The following PARN variants were observed in gnomAD, a reference collection of about 807,000 sequenced individuals.
PARN encodes poly(A)-specific ribonuclease PARN.
In PARN, 71 loss-of-function variants were observed where a neutral mutation model predicts 102.8. That is an observed-to-expected ratio of 0.69 (90% CI 0.57 to 0.84). The LOEUF (loss-of-function observed/expected upper bound fraction) is 0.84. PARN is among the 40% of genes least tolerant of loss of function. The pLI is 0.00. For missense variants in PARN, 782 were observed against 760.9 expected (o/e 1.03, Z -0.33); for synonymous variants, 261 against 252.9 (o/e 1.03, Z -0.30).
chr16:14,501,465 AAGAAAAAGAGAATGAATGTT>A, intron 21 of PARN: 1 of 145,146 alleles, frequency 6.9e-6, no homozygotes, highest in Admixed American at 6.9e-5. Context: ...AAAAAACAGA[AAGAAAAAGAGAATGAATGTT>A]AAAATGTAGG....
chr16:14,499,260 A>G (rs936876863), intron 21 of PARN, among the ~76,000 whole-genome samples: 3 of 152,234 alleles, frequency 2.0e-5, no homozygotes, highest in East Asian at 1.9e-4. Flanking sequence ...AAGCATGCTG[A>G]GTGACATTAC....
intron 6 of PARN, among the ~76,000 whole-genome samples, chr16:14,613,309 C>CAA (rs754334898): frequency 1.8e-4 from 13 of 73,366 alleles, no homozygotes; most frequent in Admixed American, 3.0e-4. Context: ...AACTCCATCT[C>CAA]AAAAAAAAAA....
chr16:14,621,945 C>T (rs1227076296), intron 5 of PARN, among the ~76,000 whole-genome samples: 1 of 152,132 alleles, frequency 6.6e-6, no homozygotes, highest in South Asian at 2.1e-4. Context: ...GTAATTCCAG[C>T]ACTTTGGGAG....
chr16:14,497,139 CG>C (rs1445022294), intron 21 of PARN, among the ~76,000 whole-genome samples: 1 of 152,150 alleles, frequency 6.6e-6, no homozygotes, highest in Non-Finnish European at 1.5e-5. Context: ...CACTCTCATA[CG>C]TCCTTTTCTT....
intron 22 of PARN, among the ~76,000 whole-genome samples, chr16:14,464,494 G>T (rs919200039): frequency 6.6e-6 from 1 of 152,112 alleles, no homozygotes; most frequent in Non-Finnish European, 1.5e-5. Context: ...GGTGGCTCAC[G>T]CCTGTAATCC....
chr16:14,446,465 T>C (rs1961202999), intron 23 of PARN, among the ~76,000 whole-genome samples: 1 of 152,206 alleles, frequency 6.6e-6, no homozygotes, highest in African/African-American at 2.4e-5. Context: ...TTGCTTCTTA[T>C]ATAATTCTGC....
intron 13 of PARN, among the ~76,000 whole-genome samples, chr16:14,588,751 G>A (rs1033776997): frequency 4.2e-4 from 64 of 151,944 alleles, no homozygotes; most frequent in African/African-American, 1.5e-3. Flanking sequence ...ATGTGGTGGC[G>A]TACACCTGTA....
rs545293943 is a variant in PARN at position 14,526,184 on chromosome 16, T to G, written c.1480+25837A>C. Among the ~76,000 whole-genome samples, 16 of 151,262 alleles carry G rather than the reference T, an allele frequency of 1.1e-4. No individual in the cohort carries two copies. In the South Asian group the frequency reaches 3.1e-3, roughly 30 times the overall value. On this transcript the variant is annotated intron_variant, in intron 21 of 23. Transcript: ENST00000437198. Reference sequence around the variant, plus strand: ...AATTAAATAAATCATCCACTGTTTTTTTTTTTTTTTGAGACGGAGTCTTGC... The same window carrying G: ...AATTAAATAAATCATCCACTGTTTTGTTTTTTTTTTGAGACGGAGTCTTGC...
At position 14,447,025 on chromosome 16, in the gene PARN, G is replaced by C. The variant is rs1961232824; in HGVS notation, c.1727C>G (p.Ala576Gly). Reference protein sequence around the residue: ...KRNLSPSQEEAGLEDGVSGEI... With the variant: ...KRNLSPSQEEGGLEDGVSGEI... ...CCCTGACACTCCGTCCTCCAGGCCA[G>C]CTTCCTCTTGACTAGGACTCAAATT... Residue 576 changes from alanine (A) to glycine (G), a missense_variant, in exon 23 of 24, where the codon GCT becomes GGT. Transcript: ENST00000437198. 1.2e-6 allele frequency: 2 copies of C among 1,613,848 alleles called. No individual in the cohort carries two copies. Among genetic ancestry groups the C allele is most frequent in the South Asian group, 2.2e-5 (2 of 91,074 alleles).
intron 21 of PARN, among the ~76,000 whole-genome samples, chr16:14,538,650 C>T (rs562150609): frequency 1.0e-3 from 158 of 152,152 alleles, no homozygotes; most frequent in African/African-American, 3.4e-3. Context: ...ACTCTGAAAC[C>T]GCATCATAAA....
intron 21 of PARN, among the ~76,000 whole-genome samples, chr16:14,537,674 G>A (rs139543311): frequency 1.1e-3 from 169 of 152,232 alleles, no homozygotes; most frequent in African/African-American, 3.9e-3. Flanking sequence ...AGCAAAATAC[G>A]GCAGGCATAG....
At chr16:14,563,522 G>GTGTGTATA (rs1423811963) in intron 18 of PARN, among the ~76,000 whole-genome samples, 14 of 149,146 alleles carry the variant, frequency 9.4e-5, no homozygotes, top group African/African-American at 3.2e-4. Flanking sequence ...GTGTGTGTGT[G>GTGTGTATA]TATATAATTC....
chr16:14,610,340 G>T (rs1022247856), intron 7 of PARN, among the ~76,000 whole-genome samples: 1 of 152,012 alleles, frequency 6.6e-6, no homozygotes, highest in Non-Finnish European at 1.5e-5. Flanking sequence ...GGGTGTGGTG[G>T]TGCACGCCTA....
At chr16:14,444,914 G>A (rs1961127813) in intron 23 of PARN, among the ~76,000 whole-genome samples, 1 of 152,052 alleles carries the variant, frequency 6.6e-6, no homozygotes, top group South Asian at 2.1e-4. Flanking sequence ...AAACTCCTGG[G>A]CTCAAGCGAT....
intron 21 of PARN, 21 bp from the exon 22 acceptor site, chr16:14,482,848 A>C: frequency 6.3e-7 from 1 of 1,576,948 alleles, no homozygotes; most frequent in Non-Finnish European, 8.6e-7. Flanking sequence ...AAGAAAAAAA[A>C]ATAAAATGCT....
intron 18 of PARN, among the ~76,000 whole-genome samples, chr16:14,579,913 T>C (rs1215219211): frequency 6.6e-6 from 1 of 151,388 alleles, no homozygotes; most frequent in Non-Finnish European, 1.5e-5. Flanking sequence ...GAGGCAGACA[T>C]TGCCGTGAGC....
At chr16:14,616,382 T>C (rs1971906918) in intron 6 of PARN, among the ~76,000 whole-genome samples, 1 of 152,208 alleles carries the variant, frequency 6.6e-6, no homozygotes. Flanking sequence ...AGTTAGCCAT[T>C]ATCAATCGTG....
intron 21 of PARN, among the ~76,000 whole-genome samples, chr16:14,528,717 A>G (rs1281657887): frequency 6.6e-6 from 1 of 152,086 alleles, no homozygotes; most frequent in East Asian, 1.9e-4. Flanking sequence ...AGCCTGGTAA[A>G]ATGAATTTTC....
chr16:14,506,586 T>C (rs1567331300), intron 21 of PARN, among the ~76,000 whole-genome samples: 1 of 152,258 alleles, frequency 6.6e-6, no homozygotes. Flanking sequence ...GTATACATGT[T>C]CACATATGTA....
Sources: allele counts gnomAD v4.1 joint callset (sites outside exome capture counted in the v4.1 genomes callset), GRCh38; gene constraint gnomAD v4.1.1; transcripts MANE v1.5; gene names NCBI Gene and HGNC (gene_info 2026-07-23, HGNC 2026-07-21).